Variants in SLC9A9 observed in about 807,000 individuals in gnomAD.
The protein encoded by SLC9A9 is solute carrier family 9 member A9.
Under a neutral mutation model 77.8 loss-of-function variants are expected in SLC9A9, and 62 were observed. The ratio of observed to expected loss-of-function variants is 0.80; its 90% confidence interval spans 0.65 to 0.98. SLC9A9 has a LOEUF of 0.98. Among genes scored for constraint, SLC9A9 ranks in the 50% least tolerant of loss-of-function variants. SLC9A9 has a pLI of 0.00. For missense variants in SLC9A9, 775 were observed against 774.9 expected (o/e 1.00, Z 0.00); for synonymous variants, 320 against 283.5 (o/e 1.13, Z -1.29).
intron 6 of SLC9A9, among the ~76,000 whole-genome samples, chr3:143,620,048 T>C: frequency 6.6e-6 from 1 of 152,158 alleles, no homozygotes; most frequent in East Asian, 1.9e-4. Context: ...AGAAGAGAAG[T>C]GAGAGGCTGA....
At chr3:143,301,277 A>G (rs1342095823) in intron 14 of SLC9A9, among the ~76,000 whole-genome samples, 1 of 152,220 alleles carries the variant, frequency 6.6e-6, no homozygotes, top group Non-Finnish European at 1.5e-5. Context: ...GGAAGTTGGT[A>G]ATATTCAAAC....
intron 14 of SLC9A9, among the ~76,000 whole-genome samples, chr3:143,311,026 T>G (rs537313530): frequency 1.2e-3 from 190 of 152,336 alleles, no homozygotes; most frequent in African/African-American, 3.8e-3. Context: ...GGAAGAACTC[T>G]GTAAACAACT....
At chr3:143,408,384 T>A (rs1253003756) in intron 12 of SLC9A9, among the ~76,000 whole-genome samples, 1 of 152,174 alleles carries the variant, frequency 6.6e-6, no homozygotes, top group Non-Finnish European at 1.5e-5. Flanking sequence ...GGGTATTCAA[T>A]GATGATGAGC....
chr3:143,620,438 T>A (rs2038182164), intron 6 of SLC9A9: 1 of 152,230 alleles, frequency 6.6e-6, no homozygotes. Context: ...CTGTGTTGAG[T>A]GAGAGGAGTA....
At chr3:143,336,598 A>ATAGAT (rs1212304003) in intron 14 of SLC9A9, among the ~76,000 whole-genome samples, 1 of 152,214 alleles carries the variant, frequency 6.6e-6, no homozygotes, top group East Asian at 1.9e-4. Context: ...ATGCTACAAC[A>ATAGAT]TAGATGAAGC....
At chr3:143,469,028 C>T (rs868798621) in intron 11 of SLC9A9, among the ~76,000 whole-genome samples, 40 of 152,122 alleles carry the variant, frequency 2.6e-4, no homozygotes, top group Admixed American at 1.2e-3. Flanking sequence ...GGCATAGTGG[C>T]GCACACCTAT....
Position 143,794,991 on chromosome 3 carries a change from T to C in SLC9A9, c.533+10A>G, listed in dbSNP as rs150706810. 6.8e-4 allele frequency: 1,101 copies of C among 1,613,354 alleles called. 24 individuals carry two copies. In the East Asian group the frequency reaches 0.023, roughly 34 times the overall value. ...AGCCACCTGCAACTTGAGCTCCGAA[T>C]GTCACTTACCCTATGACGATGCAGG... On this transcript the variant is annotated intron_variant, in intron 4 of 15. Coordinates refer to ENST00000316549, the MANE Select transcript of SLC9A9 (RefSeq NM_173653.4).
chr3:143,492,869 T>G (rs2035772663), intron 11 of SLC9A9, among the ~76,000 whole-genome samples: 1 of 152,216 alleles, frequency 6.6e-6, no homozygotes, highest in South Asian at 2.1e-4. Context: ...GAGTACATTG[T>G]AAGTGTACAG....
At chr3:143,727,136 C>G (rs544890039) in intron 4 of SLC9A9, among the ~76,000 whole-genome samples, 2 of 152,138 alleles carry the variant, frequency 1.3e-5, no homozygotes, top group Non-Finnish European at 2.9e-5. Context: ...ATAATTAACA[C>G]CATCTGGCAC....
chr3:143,419,185 G>A (rs1011406682), intron 12 of SLC9A9, among the ~76,000 whole-genome samples: 5 of 152,094 alleles, frequency 3.3e-5, no homozygotes, highest in African/African-American at 1.2e-4. Context: ...AGCAACAAAG[G>A]CACAAGATGG....
At chr3:143,285,604 A>C (rs779296520) in intron 14 of SLC9A9, among the ~76,000 whole-genome samples, 6 of 152,178 alleles carry the variant, frequency 3.9e-5, no homozygotes, top group Non-Finnish European at 8.8e-5. Context: ...TCCTCTGAGA[A>C]AAGACCTCCA....
chr3:143,288,937 C>T (rs1269095696), intron 14 of SLC9A9, among the ~76,000 whole-genome samples: 7 of 152,180 alleles, frequency 4.6e-5, no homozygotes, highest in Non-Finnish European at 7.3e-5. Context: ...CCCCCTGCTT[C>T]CAGACTGTAA....
At chr3:143,668,892 C>G (rs1479658624) in intron 5 of SLC9A9, among the ~76,000 whole-genome samples, 1 of 152,164 alleles carries the variant, frequency 6.6e-6, no homozygotes, top group East Asian at 1.9e-4. Context: ...AATTCCTTGT[C>G]TGTAGCACCC....
intron 14 of SLC9A9, among the ~76,000 whole-genome samples, chr3:143,321,538 C>G (rs1049739781): frequency 7.2e-5 from 11 of 152,258 alleles, no homozygotes; most frequent in African/African-American, 2.6e-4. Context: ...GGCTGCCTTT[C>G]ATTTTGAGGC....
intron 9 of SLC9A9, among the ~76,000 whole-genome samples, chr3:143,509,743 T>C (rs965477882): frequency 5.3e-5 from 8 of 152,202 alleles, no homozygotes; most frequent in Non-Finnish European, 1.0e-4. Flanking sequence ...CTTGTATATG[T>C]GTATTTATGA....
intron 1 of SLC9A9, among the ~76,000 whole-genome samples, chr3:143,844,170 C>G (rs1407515208): frequency 6.6e-6 from 1 of 152,138 alleles, no homozygotes. Context: ...TTGGTCTCTA[C>G]AAGTGTTCAT....
intron 1 of SLC9A9, among the ~76,000 whole-genome samples, chr3:143,836,713 C>G (rs2108893283): frequency 1.3e-5 from 2 of 152,240 alleles, no homozygotes; most frequent in South Asian, 4.1e-4. Context: ...ATTTTATTAT[C>G]CACATTGAAA....
At chr3:143,292,316 CT>C in intron 14 of SLC9A9, among the ~76,000 whole-genome samples, 1 of 152,306 alleles carries the variant, frequency 6.6e-6, no homozygotes, top group South Asian at 2.1e-4. Context: ...TTATGAAACA[CT>C]TTTGGTTTTC....
chr3:143,406,352 T>C (rs1308211791), intron 12 of SLC9A9, among the ~76,000 whole-genome samples: 3 of 152,250 alleles, frequency 2.0e-5, no homozygotes, highest in Non-Finnish European at 2.9e-5. Flanking sequence ...AGATACATTA[T>C]AGGATCACTA....
Sources: allele counts gnomAD v4.1 joint callset (sites outside exome capture counted in the v4.1 genomes callset), GRCh38; gene constraint gnomAD v4.1.1; transcripts MANE v1.5; gene names NCBI Gene and HGNC (gene_info 2026-07-23, HGNC 2026-07-21).